SYCP1: variants seen among roughly 807,000 people sequenced by gnomAD.
SYCP1 encodes the protein synaptonemal complex protein 1.
Under a neutral mutation model 153.1 loss-of-function variants are expected in SYCP1, and 64 were observed. That is an observed-to-expected ratio of 0.42 (90% CI 0.34 to 0.51). The LOEUF is 0.51. Among genes scored for constraint, SYCP1 ranks in the 20% least tolerant of loss-of-function variants. SYCP1 has a pLI of 0.06. For synonymous variants in SYCP1, 384 were observed against 341.8 expected, an observed-to-expected ratio of 1.12 and a Z score of -1.36; for missense variants, 997 against 1,049.0, an observed-to-expected ratio of 0.95 and a Z score of 0.68.
intron 29 of SYCP1, among the ~76,000 whole-genome samples, chr1:114,982,081 T>C (rs1673195213): frequency 6.6e-6 from 1 of 152,054 alleles, no homozygotes; most frequent in African/African-American, 2.4e-5. Flanking sequence ...TTTTCCATGC[T>C]AAATGGCAGT....
chr1:114,857,502 G>A lies in SYCP1; in HGVS notation c.291+5G>A. The A allele has an allele frequency of 6.3e-7, 1 of 1,586,424 alleles. No homozygotes were observed. The highest frequency in any genetic ancestry group is 8.6e-7 in the Non-Finnish European group (1 of 1,165,392). On this transcript the variant is annotated splice_donor_5th_base_variant and intron_variant, in intron 5 of 31. Coordinates refer to ENST00000369522, the MANE Select transcript of SYCP1 (RefSeq NM_003176.4). ...CTAAAAGACTCTGATTTGGAGGTCA[G>A]AAGATTTCCCATTCATATTAAATTT...
At chr1:114,992,991 A>C (rs925648167) in intron 30 of SYCP1, among the ~76,000 whole-genome samples, 1 of 151,590 alleles carries the variant, frequency 6.6e-6, no homozygotes, top group African/African-American at 2.4e-5. Context: ...CCATTTCTCC[A>C]AAGATGAAAC....
At chr1:114,854,845 T>G (rs1274238194), upstream of SYCP1, 1 of 152,212 alleles carries the variant, frequency 6.6e-6, no homozygotes, top group Non-Finnish European at 1.5e-5. Flanking sequence ...TATTTAGCCG[T>G]TGAACTGCCA....
chr1:114,941,484 G>C (rs1056647360), intron 23 of SYCP1, among the ~76,000 whole-genome samples: 2 of 151,824 alleles, frequency 1.3e-5, no homozygotes, highest in African/African-American at 4.8e-5. Context: ...CTTATAAATA[G>C]CATGTAGCCA....
At chr1:114,871,159 C>T (rs988968469) in intron 8 of SYCP1, among the ~76,000 whole-genome samples, 1 of 151,560 alleles carries the variant, frequency 6.6e-6, no homozygotes, top group Non-Finnish European at 1.5e-5. Context: ...TCTTTCCTCC[C>T]ATCTTTTTTT....
intron 20 of SYCP1, among the ~76,000 whole-genome samples, chr1:114,919,002 C>G (rs1008119306): frequency 6.6e-6 from 1 of 151,890 alleles, no homozygotes; most frequent in African/African-American, 2.4e-5. Context: ...TTTATTTCTT[C>G]CTTTTGTCTA....
chr1:114,938,829 A>C (rs1481237335), intron 23 of SYCP1, among the ~76,000 whole-genome samples: 3 of 152,148 alleles, frequency 2.0e-5, no homozygotes, highest in African/African-American at 7.2e-5. Flanking sequence ...GCTTAATATC[A>C]GTAATCATTG....
In SYCP1 at chr1:114,911,518, AC is replaced by A; in HGVS notation, c.1467del (p.Thr490GlnfsTer13). ...TTTGGAAATACAGTTAACTGCCATT[AC>A]CACAAGTGAACAGTATTATTCAAAA... is the stretch of plus-strand genomic sequence containing the variant. ...HDLEIQLTAITTSEQYYSKEV... is the reference protein window; with the variant it reads ...HDLEIQLTAIXTSEQYYSKEV... On this transcript the variant is annotated frameshift_variant, in exon 18 of 32. Transcript: ENST00000369522. LOFTEE classifies it high-confidence loss of function. 6.4e-7 allele frequency: 1 copy of A among 1,561,706 alleles called. No individual in the cohort carries two copies. The highest frequency in any genetic ancestry group is 8.6e-7 in the Non-Finnish European group (1 of 1,158,958).
intron 23 of SYCP1, among the ~76,000 whole-genome samples, chr1:114,941,818 A>G (rs926336816): frequency 1.3e-5 from 2 of 152,272 alleles, no homozygotes; most frequent in Admixed American, 1.3e-4. Context: ...TACTTAACAC[A>G]TACTTTTTCA....
At chr1:114,992,473 A>G (rs1417860451) in intron 30 of SYCP1, among the ~76,000 whole-genome samples, 2 of 151,686 alleles carry the variant, frequency 1.3e-5, no homozygotes, top group Non-Finnish European at 3.0e-5. Context: ...TAGAATAGAG[A>G]GCCTAGAGAT....
At chr1:114,899,076 C>A (rs956767185) in intron 16 of SYCP1, among the ~76,000 whole-genome samples, 2 of 152,192 alleles carry the variant, frequency 1.3e-5, no homozygotes, top group Non-Finnish European at 1.5e-5. Context: ...GGGAAGCATA[C>A]CCTTCCAGTC....
intron 16 of SYCP1, among the ~76,000 whole-genome samples, chr1:114,895,872 A>G (rs1373741273): frequency 6.6e-6 from 1 of 152,160 alleles, no homozygotes; most frequent in Admixed American, 6.5e-5. Flanking sequence ...TTTAATGTTC[A>G]GGTAAAATCA....
rs986381636 is a variant in SYCP1, at chr1:114,913,106, A to G, written c.1603A>G (p.Ser535Gly). ...AAACAAAGAGCTCACACAGGAAACA[A>G]GTGATATGACCCTAGAACTCAAGAA... ...LENKELTQET[S>G]DMTLELKNQQ... The change falls in exon 19 of 32, where the codon AGT (serine) becomes GGT (glycine). Residue 535 changes from serine (S) to glycine (G), a missense_variant. Ser to Gly is a moderately conservative substitution (Grantham distance 56). Transcript: ENST00000369522. The G allele has an allele frequency of 5.0e-6, 8 of 1,612,612 alleles. No homozygotes were observed. Among genetic ancestry groups the G allele is most frequent in the Non-Finnish European group, 5.9e-6 (7 of 1,179,114 alleles).
intron 27 of SYCP1, among the ~76,000 whole-genome samples, chr1:114,975,489 T>C (rs1672750398): frequency 6.6e-6 from 1 of 151,738 alleles, no homozygotes; most frequent in African/African-American, 2.4e-5. Flanking sequence ...ATTTTAGTAT[T>C]TATTATTTTA....
chr1:114,969,372 C>T (rs1672334576), intron 27 of SYCP1, among the ~76,000 whole-genome samples: 1 of 152,190 alleles, frequency 6.6e-6, no homozygotes, highest in Non-Finnish European at 1.5e-5. Context: ...GGTCTGGCTA[C>T]AGTGGCTTTG....
intron 8 of SYCP1, among the ~76,000 whole-genome samples, chr1:114,872,171 GA>G (rs1665194606): frequency 6.6e-6 from 1 of 151,528 alleles, no homozygotes; most frequent in Non-Finnish European, 1.5e-5. Flanking sequence ...ATAGAGATCT[GA>G]ATTTCTTACA....
chr1:114,861,687 A>T (rs1199319610), intron 8 of SYCP1, among the ~76,000 whole-genome samples: 1 of 152,130 alleles, frequency 6.6e-6, no homozygotes, highest in Non-Finnish European at 1.5e-5. Context: ...TTGTCCTGAA[A>T]ATTAAATGTT....
chr1:114,946,499 C>A, intron 26 of SYCP1, 118 bp downstream of exon 26: 1 of 553,270 alleles, frequency 1.8e-6, no homozygotes, highest in East Asian at 4.0e-5. Flanking sequence ...AGTCTTAACT[C>A]TGAAAGGGAT....
At chr1:114,900,621 C>T (rs1310963061) in intron 16 of SYCP1, among the ~76,000 whole-genome samples, 1 of 152,210 alleles carries the variant, frequency 6.6e-6, no homozygotes, top group Non-Finnish European at 1.5e-5. Context: ...ACTGTTCTTA[C>T]ACACCTCACA....
Sources: gnomAD v4.1 joint callset for allele counts (sites outside exome capture counted in the v4.1 genomes callset) on GRCh38, gnomAD v4.1.1 for gene constraint, MANE v1.5 for transcripts, NCBI Gene and HGNC (gene_info 2026-07-23, HGNC 2026-07-21) for gene names.